Variants in PILRA observed in about 807,000 individuals in gnomAD.
PILRA encodes paired immunoglobin like type 2 receptor alpha.
PILRA carries 37 observed loss-of-function variants against 33.1 expected under a neutral mutation model. That is an observed-to-expected ratio of 1.12 (90% CI 0.86 to 1.47). The LOEUF (loss-of-function observed/expected upper bound fraction) is 1.47, where lower values mean the gene tolerates loss of function less well. Ranked by LOEUF, PILRA falls within the 40% of genes most tolerant of loss-of-function variation. The probability of loss-of-function intolerance (pLI) is 0.00; values close to 1 mark genes in which losing one functional copy is unlikely to be tolerated. For missense variants in PILRA, 312 were observed against 376.2 expected (o/e 0.83, Z 1.41); for synonymous variants, 146 against 149.9 (o/e 0.97, Z 0.19).
At chr7:100,380,841 T>G (rs2130178844) in intron 2 of PILRA, among the ~76,000 whole-genome samples, 1 of 152,208 alleles carries the variant, frequency 6.6e-6, no homozygotes, top group Non-Finnish European at 1.5e-5. Context: ...TGTGCTGGTG[T>G]GTACCTGTAA....
Position 100,373,666 on chromosome 7 carries a change from C to T in PILRA, c.10C>T (p.Pro4Ser), listed in dbSNP as rs1424628030. ...GGAGAAGAACAAGGCCATGGGTCGG[C>T]CCCTGCTGCTGCCCCTACTGCCCTT... The part of the protein sequence containing the change: MGR[P>S]LLLPLLPLLL... The change falls in exon 1 of 7, where the codon CCC (proline) becomes TCC (serine). Residue 4 changes from proline (P) to serine (S), a missense_variant. Transcript: ENST00000198536. 6.2e-7 allele frequency: 1 copy of T among 1,613,546 alleles called. No homozygotes were observed.
intron 3 of PILRA, among the ~76,000 whole-genome samples, chr7:100,390,700 A>G (rs1791373407): frequency 1.3e-5 from 2 of 152,142 alleles, no homozygotes; most frequent in Admixed American, 1.3e-4. Context: ...AGTCTCAAAG[A>G]AGAAAAAGAA....
chr7:100,395,519 G>T (rs2130236133), intron 3 of PILRA, among the ~76,000 whole-genome samples: 1 of 152,222 alleles, frequency 6.6e-6, no homozygotes, highest in East Asian at 1.9e-4. Flanking sequence ...TCCAACAGAA[G>T]AAACAAATTT....
intron 2 of PILRA, among the ~76,000 whole-genome samples, chr7:100,376,878 C>T (rs1179397993): frequency 1.3e-5 from 2 of 150,256 alleles, no homozygotes; most frequent in African/African-American, 4.9e-5. Context: ...TCTCTTGCCT[C>T]AGCCTCCCAA....
At chr7:100,382,628 G>A (rs1192080851) in intron 2 of PILRA, among the ~76,000 whole-genome samples, 1 of 152,228 alleles carries the variant, frequency 6.6e-6, no homozygotes, top group Non-Finnish European at 1.5e-5. Context: ...TGTGGGTGGT[G>A]CCAGGTAAGG....
At chr7:100,398,938 AT>A (rs535251082) in intron 4 of PILRA, among the ~76,000 whole-genome samples, 102 of 145,612 alleles carry the variant, frequency 7.0e-4, no homozygotes, top group Admixed American at 9.0e-4. Context: ...TCTTTCTTCA[AT>A]TTTTTTTTTT....
intron 2 of PILRA, among the ~76,000 whole-genome samples, chr7:100,387,666 C>T (rs765326127): frequency 6.6e-6 from 1 of 152,102 alleles, no homozygotes; most frequent in Non-Finnish European, 1.5e-5. Flanking sequence ...CGATTGCGCA[C>T]CCCAGCTTGG....
At chr7:100,377,218 C>A (rs1485012963) in intron 2 of PILRA, among the ~76,000 whole-genome samples, 4 of 144,706 alleles carry the variant, frequency 2.8e-5, no homozygotes, top group African/African-American at 7.7e-5. Flanking sequence ...TCTTCTTTGT[C>A]ACTTTTCTAT....
intron 3 of PILRA, among the ~76,000 whole-genome samples, chr7:100,395,639 T>A (rs1791479531): frequency 6.6e-6 from 1 of 152,046 alleles, no homozygotes; most frequent in South Asian, 2.1e-4. Flanking sequence ...GGCCAACTAA[T>A]CATCAGAGAA....
intron 3 of PILRA, among the ~76,000 whole-genome samples, chr7:100,396,825 G>A (rs1238796263): frequency 6.6e-6 from 1 of 152,088 alleles, no homozygotes; most frequent in Non-Finnish European, 1.5e-5. Context: ...AATGGTGGCT[G>A]TCAGAAACCG....
chr7:100,389,880 C>A lies in PILRA; in HGVS notation c.455-8C>A, dbSNP rs567414625. On this transcript the variant is annotated splice_region_variant and splice_polypyrimidine_tract_variant and intron_variant, in intron 2 of 6. Transcript: ENST00000198536. ...GGGAGGGTCTGCTCATTCCTCATCT[C>A]TCCCCAGCTGTCACGACCACCACCC... is the stretch of plus-strand genomic sequence containing the variant. 5 of 1,612,864 alleles carry A rather than the reference C, an allele frequency of 3.1e-6. No homozygotes were observed. The African/African-American group carries it at 6.7e-5, about 22-fold the overall frequency.
chr7:100,381,129 G>A (rs1791082374), intron 2 of PILRA, among the ~76,000 whole-genome samples: 1 of 152,008 alleles, frequency 6.6e-6, no homozygotes, highest in Non-Finnish European at 1.5e-5. Context: ...AGCCGGGTGT[G>A]GTGGCGGGCA....
intron 2 of PILRA, among the ~76,000 whole-genome samples, chr7:100,387,734 T>G (rs901961267): frequency 6.6e-6 from 1 of 152,188 alleles, no homozygotes; most frequent in African/African-American, 2.4e-5. Context: ...ACAGATATTT[T>G]AACATTTAAC....
At chr7:100,388,135 T>C (rs904041546) in intron 2 of PILRA, among the ~76,000 whole-genome samples, 1 of 152,230 alleles carries the variant, frequency 6.6e-6, no homozygotes, top group Admixed American at 6.5e-5. Flanking sequence ...TATGTTATTA[T>C]ACATGTTTTC....
upstream of PILRA, chr7:100,373,347 G>GC: frequency 1.8e-6 from 1 of 543,658 alleles, no homozygotes. Flanking sequence ...GTCAGGCCCA[G>GC]CCCCCCAAGG....
intron 2 of PILRA, among the ~76,000 whole-genome samples, chr7:100,383,393 A>G (rs138290846): frequency 0.015 from 2,229 of 152,266 alleles, 27 homozygotes; most frequent in Middle Eastern, 0.041. Context: ...AGACCTGGAG[A>G]AGCCCCAGGA....
At chr7:100,377,747 T>A (rs995013144) in intron 2 of PILRA, among the ~76,000 whole-genome samples, 2 of 150,996 alleles carry the variant, frequency 1.3e-5, no homozygotes, top group African/African-American at 4.9e-5. Flanking sequence ...CTTCTTAATT[T>A]AAAAAAAAAT....
chr7:100,382,312 C>G (rs1404744921), intron 2 of PILRA, among the ~76,000 whole-genome samples: 1 of 152,310 alleles, frequency 6.6e-6, no homozygotes, highest in East Asian at 1.9e-4. Flanking sequence ...TACCCTGTGT[C>G]TAGCTCAGGG....
At chr7:100,385,943 T>C (rs1791243630) in intron 2 of PILRA, among the ~76,000 whole-genome samples, 1 of 151,746 alleles carries the variant, frequency 6.6e-6, no homozygotes, top group African/African-American at 2.4e-5. Context: ...TCTTTTTTTT[T>C]TTTTGAGACG....
Sources: allele counts gnomAD v4.1 joint callset (sites outside exome capture counted in the v4.1 genomes callset), GRCh38; gene constraint gnomAD v4.1.1; transcripts MANE v1.5; gene names NCBI Gene and HGNC (gene_info 2026-07-23, HGNC 2026-07-21).